GLI3: variants seen among roughly 807,000 people sequenced by gnomAD.
The protein encoded by GLI3 is GLI family zinc finger 3.
A neutral mutation model predicts 100.8 loss-of-function variants in GLI3; 20 were observed. The observed-to-expected ratio is 0.20, with a 90% CI of 0.14 to 0.29. GLI3 has a LOEUF of 0.29. Among genes scored for constraint, GLI3 ranks in the 10% least tolerant of loss-of-function variants. GLI3 has a pLI of 1.00. For missense variants in GLI3, 2,040 were observed against 2,128.5 expected (o/e 0.96, Z 0.82); for synonymous variants, 938 against 860.5 (o/e 1.09, Z -1.58).
chr7:42,158,101 GA>G (rs1313871242), intron 2 of GLI3, among the ~76,000 whole-genome samples: 1 of 152,150 alleles, frequency 6.6e-6, no homozygotes, highest in Admixed American at 6.5e-5. Flanking sequence ...GTCCCTCCCT[GA>G]AAACTTGTTA....
Position 41,968,720 on chromosome 7 carries a change from GAAAGA to G in GLI3, c.2104-802_2104-798del, listed in dbSNP as rs1562661787. ...AAGAAAGAAAGAAAGAAAGAAGAAA[GAAAGA>G]AAGAAAGAAAGAAAGAAAGAAAGAA... On this transcript the variant is annotated intron_variant, in intron 13 of 14. Coordinates refer to ENST00000395925, the MANE Select transcript of GLI3 (RefSeq NM_000168.6). Among the ~76,000 whole-genome samples the G allele has an allele frequency of 5.6e-3, 568 of 101,916 alleles. 10 individuals are homozygous for G. The highest frequency in any genetic ancestry group is 0.016 in the African/African-American group (328 of 20,484). 66.9% of individuals were successfully genotyped at this position (101,916 alleles called of 152,430 possible).
chr7:42,046,775 A>G (rs1407188698), intron 5 of GLI3, among the ~76,000 whole-genome samples: 3 of 152,152 alleles, frequency 2.0e-5, no homozygotes, highest in Admixed American at 1.3e-4. Context: ...ACTCCCAAGG[A>G]CTTGAAGGAG....
intron 3 of GLI3, among the ~76,000 whole-genome samples, chr7:42,077,140 A>G (rs1784896524): frequency 6.6e-6 from 1 of 152,186 alleles, no homozygotes; most frequent in Non-Finnish European, 1.5e-5. Flanking sequence ...CAGGCTCCCT[A>G]TCTTGAAAGA....
chr7:42,031,638 A>G (rs1195792907), intron 7 of GLI3, among the ~76,000 whole-genome samples: 1 of 152,230 alleles, frequency 6.6e-6, no homozygotes, highest in African/African-American at 2.4e-5. Context: ...TTAATTTAAA[A>G]GTTAATTTGC....
chr7:42,000,968 C>T (rs930738225), intron 10 of GLI3, among the ~76,000 whole-genome samples: 5 of 152,078 alleles, frequency 3.3e-5, no homozygotes, highest in East Asian at 3.9e-4. Flanking sequence ...GGAGGAGGGC[C>T]GGGAGCGGTG....
rs550911727 is a variant in GLI3 at position 42,075,067 on chromosome 7, G to A, written c.473+1685C>T. Among the ~76,000 whole-genome samples, 17 of 152,234 alleles carry A rather than the reference G, an allele frequency of 1.1e-4. No homozygotes were observed. In the East Asian group the frequency reaches 3.1e-3, roughly 28 times the overall value. On this transcript the variant is annotated intron_variant, in intron 4 of 14. Coordinates refer to ENST00000395925, the MANE Select transcript of GLI3 (RefSeq NM_000168.6). ...GGGCCAATGCAGGTCAGTAATGAGG[G>A]CCTAGAACACACAGTGGGGGCTACA...
intron 1 of GLI3, among the ~76,000 whole-genome samples, chr7:42,261,584 A>T (rs1237223999): frequency 6.6e-6 from 1 of 152,224 alleles, no homozygotes; most frequent in Non-Finnish European, 1.5e-5. Flanking sequence ...ACAAGGAAAG[A>T]TTTCATAAGT....
chr7:42,199,431 C>T (rs1050838060), intron 2 of GLI3, among the ~76,000 whole-genome samples: 5 of 152,190 alleles, frequency 3.3e-5, no homozygotes, highest in African/African-American at 1.2e-4. Flanking sequence ...AACCAGAGTA[C>T]GGGCACACAA....
chr7:42,141,442 C>T (rs895490125), intron 3 of GLI3, among the ~76,000 whole-genome samples: 13 of 152,120 alleles, frequency 8.5e-5, no homozygotes, highest in Non-Finnish European at 1.3e-4. Context: ...GAGGCTTAGG[C>T]GGACGGATCA....
intron 10 of GLI3, among the ~76,000 whole-genome samples, chr7:42,017,801 C>T (rs73688618): frequency 3.5e-4 from 54 of 152,254 alleles, no homozygotes; most frequent in African/African-American, 1.2e-3. Flanking sequence ...ACCGCATTCT[C>T]CTCCCCCACT....
intron 2 of GLI3, among the ~76,000 whole-genome samples, chr7:42,191,525 G>A (rs1466619086): frequency 5.3e-5 from 8 of 152,062 alleles, no homozygotes; most frequent in Admixed American, 5.2e-4. Context: ...GTTGGTGCAT[G>A]CCTGTAATCC....
At chr7:42,242,851 C>A (rs572523574), upstream of GLI3, among the ~76,000 whole-genome samples, 32 of 152,306 alleles carry the variant, frequency 2.1e-4, no homozygotes, top group Non-Finnish European at 4.4e-4. Flanking sequence ...GTGAATACAA[C>A]CTCCTCTATT....
intron 2 of GLI3, among the ~76,000 whole-genome samples, chr7:42,184,227 G>A (rs750488776): frequency 2.0e-5 from 3 of 152,186 alleles, no homozygotes; most frequent in East Asian, 1.9e-4. Flanking sequence ...CCTTCCCCTC[G>A]TCTCTGCTCT....
intron 4 of GLI3, among the ~76,000 whole-genome samples, chr7:42,068,888 T>C (rs1353236312): frequency 3.3e-5 from 5 of 152,106 alleles, no homozygotes; most frequent in Admixed American, 2.6e-4. Flanking sequence ...CAGGACAAAT[T>C]CTGTTAAAGT....
intron 2 of GLI3, among the ~76,000 whole-genome samples, chr7:42,217,333 T>C (rs1788398027): frequency 6.6e-6 from 1 of 152,098 alleles, no homozygotes; most frequent in South Asian, 2.1e-4. Context: ...AAGAACACAG[T>C]GGTAACCAGA....
Position 41,961,239 on chromosome 7 carries a change from T to C in GLI3, c.*3091A>G, listed in dbSNP as rs1787004664. 6.6e-6 allele frequency: 1 copy of C among 152,506 alleles called. No individual in the cohort carries two copies. The highest frequency in any genetic ancestry group is 1.5e-5 in the Non-Finnish European group (1 of 68,002). 9.4% of individuals were successfully genotyped at this position (152,506 alleles called of 1,614,324 possible). A position where few individuals can be genotyped will look rare whatever the true frequency, so the allele number is the denominator to read the frequency against. On this transcript the variant is annotated 3_prime_UTR_variant, in exon 15 of 15. Coordinates refer to ENST00000395925, the MANE Select transcript of GLI3 (RefSeq NM_000168.6). ...AAAAATCTAAAAAAGGTGAAAAAAATGAACTTGTATTTTATTTTACATGTC... is the reference window on the plus strand; with the variant it reads ...AAAAATCTAAAAAAGGTGAAAAAAACGAACTTGTATTTTATTTTACATGTC...
chr7:42,164,870 A>C (rs1787208165), intron 2 of GLI3, among the ~76,000 whole-genome samples: 1 of 149,984 alleles, frequency 6.7e-6, no homozygotes, highest in African/African-American at 2.5e-5. Context: ...AAAATCTAAA[A>C]GGGGGTTTTG....
At chr7:42,007,166 A>C (rs1483398338) in intron 10 of GLI3, among the ~76,000 whole-genome samples, 1 of 151,616 alleles carries the variant, frequency 6.6e-6, no homozygotes, top group East Asian at 1.9e-4. Flanking sequence ...TCCACCCAGA[A>C]CACAGGGGAA....
chr7:41,987,513 T>C (rs1787864534), intron 10 of GLI3, among the ~76,000 whole-genome samples: 1 of 152,188 alleles, frequency 6.6e-6, no homozygotes, highest in African/African-American at 2.4e-5. Context: ...GGTTTCTTAC[T>C]GGCCTCAGTT....
Sources: gnomAD v4.1 joint callset for allele counts (sites outside exome capture counted in the v4.1 genomes callset) on GRCh38, gnomAD v4.1.1 for gene constraint, MANE v1.5 for transcripts, NCBI Gene and HGNC (gene_info 2026-07-23, HGNC 2026-07-21) for gene names.